ANKS1B: variants seen among roughly 807,000 people sequenced by gnomAD.
ANKS1B encodes ankyrin repeat and sterile alpha motif domain containing 1B, also known as ankyrin repeat and sterile alpha motif domain-containing protein 1B.
A neutral mutation model predicts 148.3 loss-of-function variants in ANKS1B; 36 were observed. The observed-to-expected ratio is 0.24, with a 90% confidence interval of 0.19 to 0.32. The LOEUF is 0.32. ANKS1B is among the 10% of genes least tolerant of loss of function. ANKS1B has a pLI of 1.00. For missense variants in ANKS1B, 1,157 were observed against 1,542.6 expected (o/e 0.75, Z 4.19); for synonymous variants, 542 against 560.8 (o/e 0.97, Z 0.47).
At chr12:99,867,082 T>G (rs950697066) in intron 1 of ANKS1B, among the ~76,000 whole-genome samples, 2 of 152,210 alleles carry the variant, frequency 1.3e-5, no homozygotes, top group Admixed American at 1.3e-4. Flanking sequence ...ACAGTTATCT[T>G]AAATTTTTAT....
At chr12:99,578,983 A>G (rs2097544334) in intron 9 of ANKS1B, among the ~76,000 whole-genome samples, 1 of 152,186 alleles carries the variant, frequency 6.6e-6, no homozygotes, top group Non-Finnish European at 1.5e-5. Flanking sequence ...ACAGCATGGT[A>G]CTGGTTCAAA....
intron 15 of ANKS1B, among the ~76,000 whole-genome samples, chr12:99,122,241 C>G (rs1266894814): frequency 6.6e-6 from 1 of 152,002 alleles, no homozygotes; most frequent in Non-Finnish European, 1.5e-5. Flanking sequence ...TGACTGCCCT[C>G]CCATACTTAA....
chr12:99,944,966 C>T lies in ANKS1B; in HGVS notation c.134+39138G>A, dbSNP rs1334228567. 6.6e-5 allele frequency among the ~76,000 whole-genome samples: 10 copies of T among 152,126 alleles called. No individual in the cohort carries two copies. In the East Asian group the frequency reaches 1.9e-3, roughly 29 times the overall value. ...GTAGCCAGGTGAAGGAAGCCAAAAG[C>T]TGAGAAGCCAGCATCAACTTAGCAG... On this transcript the variant is annotated intron_variant, in intron 1 of 26. Coordinates refer to ENST00000683438, the MANE Select transcript of ANKS1B (RefSeq NM_001352186.2).
intron 17 of ANKS1B, among the ~76,000 whole-genome samples, chr12:99,006,147 G>A (rs1337741153): frequency 6.6e-6 from 1 of 152,216 alleles, no homozygotes; most frequent in African/African-American, 2.4e-5. Context: ...GCATGGGGCT[G>A]TGGGGAAAGA....
At chr12:98,978,944 A>C (rs1024905743) in intron 17 of ANKS1B, among the ~76,000 whole-genome samples, 11 of 151,932 alleles carry the variant, frequency 7.2e-5, no homozygotes, top group African/African-American at 2.4e-4. Context: ...GAGATTGAGA[A>C]CATCCTGGCT....
rs370319384 is a variant in ANKS1B at position 99,942,804 on chromosome 12, G to A, written c.134+41300C>T. On this transcript the variant is annotated intron_variant, in intron 1 of 26. Coordinates refer to ENST00000683438, the MANE Select transcript of ANKS1B (RefSeq NM_001352186.2). Reference sequence around the variant, plus strand: ...TATGTCTAAGCTTCCAGAGGAAAAGGAAGAATACAGTGGACAGGGTAGAAT... The same window carrying A: ...TATGTCTAAGCTTCCAGAGGAAAAGAAAGAATACAGTGGACAGGGTAGAAT... Among the ~76,000 whole-genome samples the A allele has an allele frequency of 3.3e-5, 5 of 152,188 alleles. No homozygotes were observed. The South Asian group carries it at 8.3e-4, about 25-fold the overall frequency.
At chr12:99,137,342 C>T (rs2068473841) in intron 15 of ANKS1B, among the ~76,000 whole-genome samples, 1 of 152,154 alleles carries the variant, frequency 6.6e-6, no homozygotes, top group Non-Finnish European at 1.5e-5. Context: ...TAATCACCTA[C>T]AACCAGGGGC....
rs181521054 is a variant in ANKS1B at position 99,534,263 on chromosome 12, G to T, written c.1273-29622C>A. Among the ~76,000 whole-genome samples, 125 of 152,334 alleles carry T rather than the reference G, an allele frequency of 8.2e-4. 1 individual carries two copies. The highest frequency in any genetic ancestry group is 2.5e-3 in the South Asian group (12 of 4,822). On this transcript the variant is annotated intron_variant, in intron 9 of 26. Coordinates refer to ENST00000683438, the MANE Select transcript of ANKS1B (RefSeq NM_001352186.2). ...TGAACAACTGAATGAGAAGTGAAGT[G>T]CTCATAGGGGAAGGATAAGTCCAGA...
At chr12:99,448,536 AT>A (rs1277452918) in intron 10 of ANKS1B, among the ~76,000 whole-genome samples, 1 of 152,212 alleles carries the variant, frequency 6.6e-6, no homozygotes, top group East Asian at 1.9e-4. Context: ...ATAACAATGT[AT>A]TGTATTCTTT....
intron 9 of ANKS1B, among the ~76,000 whole-genome samples, chr12:99,595,312 T>G (rs966012902): frequency 6.6e-6 from 1 of 151,914 alleles, no homozygotes; most frequent in Non-Finnish European, 1.5e-5. Context: ...TACAAGATTG[T>G]TTCCTTAATG....
At chr12:99,324,746 C>T (rs1332607975) in intron 12 of ANKS1B, among the ~76,000 whole-genome samples, 1 of 152,122 alleles carries the variant, frequency 6.6e-6, no homozygotes, top group Non-Finnish European at 1.5e-5. Context: ...TACCTCTTTT[C>T]AAGAGAGTCA....
At chr12:98,754,495 C>T (rs1198602745) in intron 25 of ANKS1B, among the ~76,000 whole-genome samples, 3 of 152,152 alleles carry the variant, frequency 2.0e-5, no homozygotes, top group African/African-American at 7.2e-5. Context: ...ATGGCTGATT[C>T]CCATCTGTTG....
chr12:99,930,746 G>C (rs1266005839), intron 1 of ANKS1B, among the ~76,000 whole-genome samples: 4 of 152,190 alleles, frequency 2.6e-5, no homozygotes, highest in African/African-American at 9.7e-5. Flanking sequence ...CTGTTGGTGG[G>C]ACTGTAAACT....
chr12:99,203,864 A>T (rs1291843121), intron 14 of ANKS1B, among the ~76,000 whole-genome samples: 1 of 152,170 alleles, frequency 6.6e-6, no homozygotes, highest in Non-Finnish European at 1.5e-5. Flanking sequence ...CACCAGCTAG[A>T]CTGTTTACAA....
intron 9 of ANKS1B, among the ~76,000 whole-genome samples, chr12:99,586,594 G>A (rs563065660): frequency 6.6e-6 from 1 of 151,938 alleles, no homozygotes; most frequent in Non-Finnish European, 1.5e-5. Flanking sequence ...GTATCTTTAC[G>A]GCAGCATCTC....
At chr12:99,721,366 T>C (rs1275048325) in intron 8 of ANKS1B, among the ~76,000 whole-genome samples, 1 of 152,190 alleles carries the variant, frequency 6.6e-6, no homozygotes, top group East Asian at 1.9e-4. Context: ...TCATATCCCC[T>C]GTGACCTGCA....
chr12:99,183,783 G>C (rs1028290010), intron 14 of ANKS1B, among the ~76,000 whole-genome samples: 1 of 152,166 alleles, frequency 6.6e-6, no homozygotes, highest in Non-Finnish European at 1.5e-5. Flanking sequence ...TCTCCAATAA[G>C]GGTTATACGG....
At chr12:98,947,028 CT>C (rs1258441443) in intron 17 of ANKS1B, among the ~76,000 whole-genome samples, 1 of 143,914 alleles carries the variant, frequency 6.9e-6, no homozygotes, top group African/African-American at 2.6e-5. Context: ...GAAGAGTTTT[CT>C]AGGCAGAGGA....
chr12:98,924,571 T>A (rs1336725154), intron 17 of ANKS1B, among the ~76,000 whole-genome samples: 1 of 152,174 alleles, frequency 6.6e-6, no homozygotes, highest in Non-Finnish European at 1.5e-5. Flanking sequence ...CGATTTTACC[T>A]TCTTTTTGTA....
Sources: allele counts gnomAD v4.1 joint callset (sites outside exome capture counted in the v4.1 genomes callset), GRCh38; gene constraint gnomAD v4.1.1; transcripts MANE v1.5; gene names NCBI Gene and HGNC (gene_info 2026-07-23, HGNC 2026-07-21).